Variants in ROBO1 observed in about 807,000 individuals in gnomAD.
ROBO1 encodes the protein roundabout homolog 1.
Under a neutral mutation model 195.9 loss-of-function variants are expected in ROBO1, and 149 were observed. The observed-to-expected ratio is 0.76, with a 90% CI of 0.67 to 0.87. The LOEUF (loss-of-function observed/expected upper bound fraction) is 0.87. Ranked by LOEUF, ROBO1 falls within the 40% of genes least tolerant of loss-of-function variation. ROBO1 has a pLI of 0.00. For missense variants in ROBO1, 1,933 were observed against 2,068.3 expected, an observed-to-expected ratio of 0.93 and a Z score of 1.27; for synonymous variants, 816 against 733.2, an observed-to-expected ratio of 1.11 and a Z score of -1.82.
intron 1 of ROBO1, among the ~76,000 whole-genome samples, chr3:79,670,778 G>A (rs7427946): frequency 0.28 from 42,379 of 151,650 alleles, 7,416 homozygotes; most frequent in East Asian, 0.52. Flanking sequence ...CCAAATAAGT[G>A]TAAAGAAGAG....
At chr3:79,521,794 T>G (rs994663741) in intron 2 of ROBO1, among the ~76,000 whole-genome samples, 2 of 152,072 alleles carry the variant, frequency 1.3e-5, no homozygotes, top group Non-Finnish European at 2.9e-5. Context: ...ATCCACGGTC[T>G]GCTCCTGAGA....
intron 4 of ROBO1, among the ~76,000 whole-genome samples, chr3:78,808,081 G>T (rs965909983): frequency 1.8e-4 from 27 of 152,136 alleles, no homozygotes; most frequent in African/African-American, 6.0e-4. Flanking sequence ...ATACAATAAG[G>T]AAATTTGTTA....
intron 4 of ROBO1, among the ~76,000 whole-genome samples, chr3:78,786,908 A>G (rs2083852695): frequency 6.6e-6 from 1 of 152,196 alleles, no homozygotes; most frequent in African/African-American, 2.4e-5. Context: ...TGTCTTAGAG[A>G]AGGTAAGCAG....
intron 1 of ROBO1, among the ~76,000 whole-genome samples, chr3:79,699,905 G>C (rs1262051705): frequency 2.0e-5 from 3 of 151,582 alleles, no homozygotes; most frequent in Non-Finnish European, 4.4e-5. Context: ...ATTACATGAT[G>C]CTCAGGTTTG....
intron 2 of ROBO1, among the ~76,000 whole-genome samples, chr3:79,415,199 C>T (rs992995448): frequency 2.0e-5 from 3 of 152,066 alleles, no homozygotes; most frequent in Non-Finnish European, 4.4e-5. Flanking sequence ...ATCTTTACAC[C>T]GTATTTTGTA....
At chr3:78,858,468 C>T (rs1474613671) in intron 4 of ROBO1, among the ~76,000 whole-genome samples, 3 of 149,138 alleles carry the variant, frequency 2.0e-5, no homozygotes, top group Non-Finnish European at 3.0e-5. Context: ...GTGGCTCACA[C>T]TTGTAATCTC....
intron 28 of ROBO1, among the ~76,000 whole-genome samples, 176 bp downstream of exon 28, chr3:78,614,472 G>A (rs1361228232): frequency 6.6e-6 from 1 of 152,106 alleles, no homozygotes; most frequent in African/African-American, 2.4e-5. Context: ...AAACTGCAAG[G>A]AGTAGAGATG....
intron 4 of ROBO1, among the ~76,000 whole-genome samples, chr3:78,844,829 C>T (rs1170315981): frequency 1.3e-5 from 2 of 152,006 alleles, no homozygotes; most frequent in Non-Finnish European, 2.9e-5. Context: ...ATCCTGCTTC[C>T]ATTTGAGTGT....
intron 4 of ROBO1, among the ~76,000 whole-genome samples, chr3:78,899,869 T>C (rs2037480152): frequency 6.6e-6 from 1 of 152,180 alleles, no homozygotes; most frequent in Admixed American, 6.5e-5. Flanking sequence ...AGGTTAGCAT[T>C]TGGAACTTAG....
At chr3:78,760,001 G>A (rs1410630801) in intron 4 of ROBO1, among the ~76,000 whole-genome samples, 2 of 152,100 alleles carry the variant, frequency 1.3e-5, no homozygotes, top group African/African-American at 4.8e-5. Context: ...CACGTGTTGT[G>A]GGAGGAACCC....
chr3:79,281,767 C>T (rs115179430), intron 2 of ROBO1, among the ~76,000 whole-genome samples: 61 of 152,172 alleles, frequency 4.0e-4, no homozygotes, highest in African/African-American at 1.3e-3. Context: ...GTGCCATCAT[C>T]GGAGGGAACA....
At chr3:78,989,433 G>T (rs1282306450) in intron 3 of ROBO1, among the ~76,000 whole-genome samples, 1 of 152,158 alleles carries the variant, frequency 6.6e-6, no homozygotes, top group African/African-American at 2.4e-5. Flanking sequence ...GGCCAACATG[G>T]CAAAACCTTG....
intron 2 of ROBO1, among the ~76,000 whole-genome samples, chr3:79,426,557 T>C (rs2038453386): frequency 2.0e-5 from 3 of 151,956 alleles, no homozygotes; most frequent in Admixed American, 1.3e-4. Context: ...TTTGTAGGGA[T>C]GGGTTTCACC....
chr3:79,550,612 A>G (rs1200500985), intron 2 of ROBO1, among the ~76,000 whole-genome samples: 2 of 152,234 alleles, frequency 1.3e-5, no homozygotes, highest in Non-Finnish European at 2.9e-5. Flanking sequence ...GCTTCAACAT[A>G]TGTTTAAAAA....
intron 4 of ROBO1, among the ~76,000 whole-genome samples, chr3:78,869,334 T>C (rs950851737): frequency 6.6e-6 from 1 of 152,216 alleles, no homozygotes; most frequent in Admixed American, 6.5e-5. Flanking sequence ...AATTTTATAT[T>C]TGCTTTCTAC....
intron 4 of ROBO1, among the ~76,000 whole-genome samples, chr3:78,866,346 A>G (rs541115600): frequency 3.3e-5 from 5 of 152,336 alleles, no homozygotes; most frequent in Admixed American, 2.0e-4. Context: ...AGCATTTCCC[A>G]TGGGTGTCCC....
At chr3:78,726,720 T>C (rs2082170711) in intron 5 of ROBO1, among the ~76,000 whole-genome samples, 1 of 152,074 alleles carries the variant, frequency 6.6e-6, no homozygotes, top group Non-Finnish European at 1.5e-5. Flanking sequence ...TTAACAACAA[T>C]GAGATGCAGG....
chr3:79,720,758 T>G (rs1028022383), intron 1 of ROBO1, among the ~76,000 whole-genome samples: 8 of 151,916 alleles, frequency 5.3e-5, no homozygotes, highest in African/African-American at 1.9e-4. Flanking sequence ...AATACTGTGG[T>G]TTATTAGTCA....
intron 2 of ROBO1, among the ~76,000 whole-genome samples, chr3:79,355,834 T>G (rs536265872): frequency 6.6e-6 from 1 of 152,210 alleles, no homozygotes; most frequent in East Asian, 1.9e-4. Context: ...AGGTTGATTC[T>G]GTATCTTGGG....
Sources: allele counts gnomAD v4.1 joint callset (sites outside exome capture counted in the v4.1 genomes callset), GRCh38; gene constraint gnomAD v4.1.1; transcripts MANE v1.5; gene names NCBI Gene and HGNC (gene_info 2026-07-23, HGNC 2026-07-21).